The following FBRSL1 variants were observed in gnomAD, a reference collection of about 807,000 sequenced individuals.
FBRSL1 encodes the protein fibrosin-1-like protein.
In FBRSL1, 51 loss-of-function variants were observed where a neutral mutation model predicts 89.6. That is an observed-to-expected ratio of 0.57 (90% CI 0.45 to 0.72). FBRSL1 has a LOEUF of 0.72. FBRSL1 is among the 30% of genes least tolerant of loss of function. The pLI is 0.00. For synonymous variants in FBRSL1, 779 were observed against 681.1 expected, an observed-to-expected ratio of 1.14 and a Z score of -2.24; for missense variants, 1,618 against 1,451.8, an observed-to-expected ratio of 1.11 and a Z score of -1.86.
chr12:132,559,393 T>C (rs555413094), intron 5 of FBRSL1, among the ~76,000 whole-genome samples: 114 of 152,304 alleles, frequency 7.5e-4, no homozygotes, highest in African/African-American at 2.6e-3. Context: ...ATGAGGTCGC[T>C]CTTTTTTCCT....
intron 1 of FBRSL1, among the ~76,000 whole-genome samples, chr12:132,498,389 A>G (rs546787066): frequency 2.0e-5 from 3 of 152,256 alleles, no homozygotes; most frequent in South Asian, 4.1e-4. Context: ...CTTCTGGCCA[A>G]TCCCGGCTGG....
intron 5 of FBRSL1, among the ~76,000 whole-genome samples, chr12:132,548,645 G>A (rs1023876150): frequency 2.6e-5 from 4 of 152,220 alleles, no homozygotes; most frequent in African/African-American, 9.6e-5. Flanking sequence ...CCTGCGGGGA[G>A]GAACCGTCAC....
At position 132,503,531 on chromosome 12, in the gene FBRSL1, G is replaced by A. The variant is rs551714850; in HGVS notation, c.292-4622G>A. On this transcript the variant is annotated intron_variant, in intron 1 of 18. Coordinates refer to ENST00000680143, the MANE Select transcript of FBRSL1 (RefSeq NM_001367871.1). ...GCCATGGGGGAGATGGGTCATGGTG[G>A]GAAAGGGTCCCGTTCCCACCTTCGC... 7.2e-5 allele frequency among the ~76,000 whole-genome samples: 11 copies of A among 152,382 alleles called. No individual in the cohort carries two copies. The South Asian group carries it at 2.1e-3, about 29-fold the overall frequency.
intron 1 of FBRSL1, among the ~76,000 whole-genome samples, chr12:132,503,566 G>A (rs2033302381): frequency 2.0e-5 from 3 of 152,238 alleles, no homozygotes; most frequent in Admixed American, 1.3e-4. Context: ...CAGCTGGAGG[G>A]GTAATTAGAC....
chr12:132,498,580 G>A (rs1242701464), intron 1 of FBRSL1, among the ~76,000 whole-genome samples: 1 of 152,256 alleles, frequency 6.6e-6, no homozygotes. Flanking sequence ...GTGGGTCATG[G>A]AAGTCTGGGT....
At chr12:132,534,636 G>A (rs1002825430) in intron 4 of FBRSL1, among the ~76,000 whole-genome samples, 1 of 152,268 alleles carries the variant, frequency 6.6e-6, no homozygotes, top group African/African-American at 2.4e-5. Context: ...CAGCCCGGGT[G>A]GCTCCTCCAT....
At chr12:132,537,737 T>C (rs530446861) in intron 4 of FBRSL1, among the ~76,000 whole-genome samples, 1 of 152,228 alleles carries the variant, frequency 6.6e-6, no homozygotes, top group South Asian at 2.1e-4. Context: ...AACCACAGTG[T>C]GGGGCAACAG....
In FBRSL1 at chr12:132,581,834, C is replaced by A. The variant is rs370682945; in HGVS notation, c.1996+10C>A. On this transcript the variant is annotated intron_variant, in intron 17 of 18. Coordinates refer to ENST00000680143, the MANE Select transcript of FBRSL1 (RefSeq NM_001367871.1). ...GGCAGCCATGCACTGGGTGAGTGAC[C>A]CAGCCTGTGCCCCCCTCCCCCGATG... 509 of 1,534,466 alleles carry A rather than the reference C, an allele frequency of 3.3e-4. 9 individuals are homozygous for A. The African/African-American group carries it at 4.7e-3, about 14-fold the overall frequency.
At chr12:132,511,292 C>T (rs1327292047) in intron 2 of FBRSL1, 8 of 985,526 alleles carry the variant, frequency 8.1e-6, no homozygotes, top group Non-Finnish European at 9.6e-6. Flanking sequence ...TGGGCAGCGC[C>T]TTCTCCCGGC....
intron 1 of FBRSL1, among the ~76,000 whole-genome samples, chr12:132,495,438 GC>G (rs781491913): frequency 2.1e-4 from 32 of 152,354 alleles, no homozygotes; most frequent in Non-Finnish European, 3.7e-4. Context: ...GTGAGTCCAT[GC>G]CTGGCCCATC....
intron 5 of FBRSL1, chr12:132,552,451 G>A (rs2038254827): frequency 6.4e-6 from 1 of 156,862 alleles, no homozygotes; most frequent in South Asian, 1.8e-4. Flanking sequence ...GGACAGGCTG[G>A]AGGCCCCTGC....
In FBRSL1 at chr12:132,583,556, C is replaced by A; in HGVS notation, c.2787C>A (p.His929Gln). 9.7e-7 allele frequency: 1 copy of A among 1,033,226 alleles called. No homozygotes were observed. The highest frequency in any genetic ancestry group is 1.2e-6 in the Non-Finnish European group (1 of 860,474). The allele number at this position is 1,033,226 out of a possible 1,614,324, so 64.0% of individuals were successfully genotyped here. A position where few individuals can be genotyped will look rare whatever the true frequency, so the allele number is the denominator to read the frequency against. ...GALLPSLGAL[H>Q]FPRLSPAALH... ...TGCTGCCCTCGCTGGGAGCCCTGCACTTCCCGCGCCTCTCGCCCGCCGCGC... is the reference window on the plus strand; with the variant it reads ...TGCTGCCCTCGCTGGGAGCCCTGCAATTCCCGCGCCTCTCGCCCGCCGCGC... Residue 929 changes from histidine (H) to glutamine (Q), a missense_variant, in exon 19 of 19, where the codon CAC becomes CAA. By Grantham distance (24) the His-to-Gln change is conservative. Transcript: ENST00000680143.
At chr12:132,525,883 C>T in intron 3 of FBRSL1, 60 bp downstream of exon 3, 1 of 1,382,204 alleles carries the variant, frequency 7.2e-7, no homozygotes, top group Admixed American at 2.0e-5. Context: ...CCCGCTGCGC[C>T]CCGCACAAGG....
intron 4 of FBRSL1, among the ~76,000 whole-genome samples, chr12:132,545,176 A>G (rs1168404001): frequency 6.6e-6 from 1 of 152,162 alleles, no homozygotes; most frequent in Non-Finnish European, 1.5e-5. Flanking sequence ...CATGCCCAGC[A>G]TGTCCCTTCG....
intron 1 of FBRSL1, among the ~76,000 whole-genome samples, chr12:132,491,268 C>A (rs1272457219): frequency 6.6e-6 from 1 of 152,212 alleles, no homozygotes; most frequent in African/African-American, 2.4e-5. Context: ...GCGGGCCATC[C>A]CGTTCCCTCC....
chr12:132,526,452 G>A (rs1369793508), intron 3 of FBRSL1, among the ~76,000 whole-genome samples: 1 of 152,212 alleles, frequency 6.6e-6, no homozygotes, highest in Non-Finnish European at 1.5e-5. Context: ...GCAGCAGCTG[G>A]GGCTGAGGCT....
chr12:132,530,067 A>C (rs965953230), intron 4 of FBRSL1, among the ~76,000 whole-genome samples: 1 of 144,334 alleles, frequency 6.9e-6, no homozygotes, highest in South Asian at 2.2e-4. Context: ...GTATGATGAC[A>C]CTCCTCCGCC....
At position 132,559,827 on chromosome 12, in the gene FBRSL1, C is replaced by G. The variant is rs562247541; in HGVS notation, c.646-7654C>G. Among the ~76,000 whole-genome samples, 484 of 151,818 alleles carry G rather than the reference C, an allele frequency of 3.2e-3. 1 individual carries two copies. The highest frequency in any genetic ancestry group is 0.011 in the African/African-American group (471 of 41,486). ...GAGGCCGGCGCTGCGCGCCTTTCCC[C>G]GGGTGGCCGTGATCGGAGGCAGCGC... On this transcript the variant is annotated intron_variant, in intron 5 of 18. Coordinates refer to ENST00000680143, the MANE Select transcript of FBRSL1 (RefSeq NM_001367871.1).
chr12:132,497,280 G>A (rs1300489763), intron 1 of FBRSL1, among the ~76,000 whole-genome samples: 1 of 152,200 alleles, frequency 6.6e-6, no homozygotes, highest in Non-Finnish European at 1.5e-5. Flanking sequence ...CACGGGTAAT[G>A]AGGGAGAGGT....
Sources: gnomAD v4.1 joint callset for allele counts (sites outside exome capture counted in the v4.1 genomes callset) on GRCh38, gnomAD v4.1.1 for gene constraint, MANE v1.5 for transcripts, NCBI Gene and HGNC (gene_info 2026-07-23, HGNC 2026-07-21) for gene names.